CCPG1: variants seen among roughly 807,000 people sequenced by gnomAD.
The protein encoded by CCPG1 is cell cycle progression protein 1.
In CCPG1, 46 loss-of-function variants were observed where a neutral mutation model predicts 81.3. That is an observed-to-expected ratio of 0.57 (90% CI 0.45 to 0.72). CCPG1 has a LOEUF of 0.72. CCPG1 is among the 30% of genes least tolerant of loss of function. The pLI is 0.00. For synonymous variants in CCPG1, 330 were observed against 305.2 expected (o/e 1.08, Z -0.85); for missense variants, 902 against 937.6 (o/e 0.96, Z 0.50).
intron 6 of CCPG1, among the ~76,000 whole-genome samples, chr15:55,368,361 T>C (rs1258977531): frequency 6.6e-6 from 1 of 152,216 alleles, no homozygotes; most frequent in Non-Finnish European, 1.5e-5. Flanking sequence ...CACCTTCCCT[T>C]GAGTCTATCA....
chr15:55,356,822 C>A, intron 8 of CCPG1: 3 of 990,910 alleles, frequency 3.0e-6, no homozygotes, highest in Non-Finnish European at 3.6e-6. Context: ...ACAGCAAAAG[C>A]TCACAACACC....
chr15:55,407,579 G>A (rs2057261568), intron 1 of CCPG1, among the ~76,000 whole-genome samples: 1 of 152,138 alleles, frequency 6.6e-6, no homozygotes, highest in Non-Finnish European at 1.5e-5. Flanking sequence ...TCCCAATAGT[G>A]CTAAACATAA....
chr15:55,397,008 T>C (rs1296844121), intron 1 of CCPG1, among the ~76,000 whole-genome samples: 1 of 152,026 alleles, frequency 6.6e-6, no homozygotes, highest in Non-Finnish European at 1.5e-5. Flanking sequence ...GAGACCATCC[T>C]GGCTAACACA....
At chr15:55,384,488 C>T (rs1160084662) in intron 3 of CCPG1, among the ~76,000 whole-genome samples, 2 of 152,006 alleles carry the variant, frequency 1.3e-5, no homozygotes, top group African/African-American at 4.8e-5. Context: ...GATGATACTC[C>T]GTCTCTATTA....
At position 55,367,193 on chromosome 15, in the gene CCPG1, T is replaced by A. The variant is rs555818983; in HGVS notation, c.707-1884A>T. Among the ~76,000 whole-genome samples, 68 of 152,294 alleles carry A rather than the reference T, an allele frequency of 4.5e-4. 2 individuals are homozygous for A. The South Asian group carries it at 0.014, about 31-fold the overall frequency. On this transcript the variant is annotated intron_variant, in intron 6 of 8. Transcript: ENST00000442196. ...CAAAATTACTCAGCAGAATCCCAGA[T>A]TTTTTTCAAATGTTGAAATTTATCT...
At chr15:55,379,704 A>T (rs2056641118) in intron 3 of CCPG1, among the ~76,000 whole-genome samples, 1 of 152,184 alleles carries the variant, frequency 6.6e-6, no homozygotes, top group Non-Finnish European at 1.5e-5. Context: ...CTCAAAACAC[A>T]GAAAAACTAA....
Position 55,365,288 on chromosome 15 carries a change from C to T in CCPG1, c.728G>A (p.Arg243His), listed in dbSNP as rs201461691. 26 of 1,537,912 alleles carry T rather than the reference C, an allele frequency of 1.7e-5. No individual in the cohort carries two copies. Among genetic ancestry groups the T allele is most frequent in the East Asian group, 2.3e-5 (1 of 44,136 alleles). ...HFYGTIQIQK[R>H]QQLVRKIHED... is the part of the protein sequence containing the mutation. Reference sequence around the variant, plus strand: ...ATGTATCTTTCTGACTAACTGTTGACGCTTCTGAATCTGAATTGTGCCTAA... The same window carrying T: ...ATGTATCTTTCTGACTAACTGTTGATGCTTCTGAATCTGAATTGTGCCTAA... The change falls in exon 7 of 9, where the codon CGT becomes CAT. Residue 243 changes from arginine to histidine, a missense_variant. Arg to His is a conservative substitution (Grantham distance 29, BLOSUM62 0). Transcript: ENST00000442196.
intron 8 of CCPG1, 45 bp from the exon 9 acceptor site, chr15:55,356,454 TATTTAA>T (rs1437099433): frequency 3.4e-5 from 48 of 1,404,872 alleles, no homozygotes; most frequent in South Asian, 5.6e-5. Flanking sequence ...GAGTTCAATG[TATTTAA>T]ATTTAAAACA....
intron 7 of CCPG1, among the ~76,000 whole-genome samples, chr15:55,361,741 A>G (rs902325830): frequency 6.6e-6 from 1 of 152,030 alleles, no homozygotes; most frequent in Non-Finnish European, 1.5e-5. Context: ...GTAAAATTAC[A>G]TCGAGAGCTG....
At position 55,356,028 on chromosome 15, in the gene CCPG1, A is replaced by C. The variant is rs1016763528; in HGVS notation, c.*192T>G. 7.5e-6 allele frequency: 4 copies of C among 532,292 alleles called. No homozygotes were observed. In the East Asian group the frequency reaches 1.3e-4, roughly 18 times the overall value. The allele number at this position is 532,292 out of a possible 1,614,324, so 33.0% of individuals were successfully genotyped here. ...GTGTCAAAAAAAATTCAACGAAGCTAAACTACAGGAAAATGCAGGTTAGTA... is the reference window on the plus strand; with the variant it reads ...GTGTCAAAAAAAATTCAACGAAGCTCAACTACAGGAAAATGCAGGTTAGTA... On this transcript the variant is annotated 3_prime_UTR_variant, in exon 9 of 9. Coordinates refer to ENST00000442196, the MANE Select transcript of CCPG1 (RefSeq NM_001204450.2).
chr15:55,374,401 A>G (rs1365454054), intron 5 of CCPG1, among the ~76,000 whole-genome samples: 1 of 152,158 alleles, frequency 6.6e-6, no homozygotes, highest in East Asian at 1.9e-4. Context: ...AAAACACACA[A>G]TACAAACTTC....
intron 1 of CCPG1, among the ~76,000 whole-genome samples, chr15:55,393,302 T>C (rs11855303): frequency 0.98 from 149,394 of 152,068 alleles, 73,432 homozygotes; most frequent in East Asian, 1. Context: ...CAGCAGGACA[T>C]GGTGGCCCAC....
intron 3 of CCPG1, among the ~76,000 whole-genome samples, chr15:55,382,934 TG>T (rs2056730459): frequency 2.6e-5 from 4 of 152,220 alleles, no homozygotes; most frequent in Admixed American, 2.6e-4. Flanking sequence ...CTCCTGTTAA[TG>T]TTGATATTTT....
intron 1 of CCPG1, among the ~76,000 whole-genome samples, chr15:55,404,244 G>T (rs1039394055): frequency 6.6e-5 from 10 of 151,994 alleles, no homozygotes; most frequent in African/African-American, 2.4e-4. Flanking sequence ...TGTTACCAGT[G>T]TTTTTTGTAA....
At chr15:55,380,430 G>C (rs1428159153) in intron 3 of CCPG1, among the ~76,000 whole-genome samples, 1 of 151,284 alleles carries the variant, frequency 6.6e-6, no homozygotes, top group African/African-American at 2.4e-5. Flanking sequence ...CAAGTAGCTG[G>C]GACTACAGGC....
chr15:55,395,082 C>CCGT (rs2056990481), intron 1 of CCPG1, among the ~76,000 whole-genome samples: 1 of 152,036 alleles, frequency 6.6e-6, no homozygotes, highest in Non-Finnish European at 1.5e-5. Context: ...CTGGCAATAC[C>CCGT]CGTCTCTGTG....
At chr15:55,369,040 A>G (rs1309039390) in intron 6 of CCPG1, among the ~76,000 whole-genome samples, 1 of 152,164 alleles carries the variant, frequency 6.6e-6, no homozygotes, top group East Asian at 1.9e-4. Context: ...TGAACCTGGG[A>G]GACGGAGGTG....
At chr15:55,402,084 T>C (rs2057139662) in intron 1 of CCPG1, among the ~76,000 whole-genome samples, 1 of 152,268 alleles carries the variant, frequency 6.6e-6, no homozygotes. Context: ...CCCCTGAATC[T>C]ATAGCACTTA....
In CCPG1 at chr15:55,377,030, CA is replaced by C; in HGVS notation, c.372del (p.Ile124MetfsTer71). The C allele has an allele frequency of 6.2e-7, 1 of 1,613,912 alleles. No homozygotes were observed. The highest frequency in any genetic ancestry group is 8.5e-7 in the Non-Finnish European group (1 of 1,179,926). On this transcript the variant is annotated frameshift_variant, in exon 5 of 9. Transcript: ENST00000442196. LOFTEE classifies it high-confidence loss of function. ...LEEIGNQEVVIVEEAQSSEDF... is the reference protein window; with the variant it reads ...LEEIGNQEVVXVEEAQSSEDF... Reference sequence around the variant, plus strand: ...TCTTCTGAACTCTGTGCTTCTTCAACAATGACAACTTCTTGATTTCCAATTT... The same window carrying C: ...TCTTCTGAACTCTGTGCTTCTTCAACATGACAACTTCTTGATTTCCAATTT...
Sources: allele counts gnomAD v4.1 joint callset (sites outside exome capture counted in the v4.1 genomes callset), GRCh38; gene constraint gnomAD v4.1.1; transcripts MANE v1.5; gene names NCBI Gene and HGNC (gene_info 2026-07-23, HGNC 2026-07-21).